The following IQCJ variants were observed in gnomAD, a reference collection of about 807,000 sequenced individuals.
IQCJ encodes IQ motif containing J.
IQCJ carries 9 observed loss-of-function variants against 11.0 expected under a neutral mutation model. That is an observed-to-expected ratio of 0.82 (90% CI 0.49 to 1.43). The LOEUF is 1.43. Among genes scored for constraint, IQCJ ranks in the 40% most tolerant of loss-of-function variants. IQCJ has a pLI of 0.00. For missense variants in IQCJ, 146 were observed against 133.2 expected (o/e 1.10, Z -0.47); for synonymous variants, 55 against 51.3 (o/e 1.07, Z -0.31).
intron 1 of IQCJ, among the ~76,000 whole-genome samples, chr3:159,090,505 G>T (rs1717191539): frequency 6.6e-6 from 1 of 151,838 alleles, no homozygotes; most frequent in Non-Finnish European, 1.5e-5. Context: ...CGTAGAGTTG[G>T]TGGGTGGGGC....
chr3:159,246,482 A>G (rs765898544), intron 2 of IQCJ, among the ~76,000 whole-genome samples: 6 of 152,168 alleles, frequency 3.9e-5, no homozygotes, highest in Non-Finnish European at 7.3e-5. Flanking sequence ...GCGAGGTTTC[A>G]GCAACTCCAT....
At chr3:159,225,764 C>A (rs752030896) in intron 1 of IQCJ, among the ~76,000 whole-genome samples, 23 of 151,818 alleles carry the variant, frequency 1.5e-4, no homozygotes, top group Non-Finnish European at 3.4e-4. Context: ...ATGCTGTGTA[C>A]CTAGTGTTAG....
chr3:159,250,676 A>G (rs1727543860), intron 2 of IQCJ, among the ~76,000 whole-genome samples: 1 of 152,162 alleles, frequency 6.6e-6, no homozygotes, highest in Admixed American at 6.5e-5. Flanking sequence ...AGAACTCACT[A>G]TCATGAGAAC....
intron 1 of IQCJ, among the ~76,000 whole-genome samples, chr3:159,137,438 G>A (rs777592187): frequency 9.2e-5 from 14 of 152,050 alleles, no homozygotes; most frequent in Non-Finnish European, 2.1e-4. Context: ...TATACTTCAT[G>A]TTTCAGTTTC....
At chr3:159,131,916 G>C (rs1467232251) in intron 1 of IQCJ, among the ~76,000 whole-genome samples, 1 of 151,332 alleles carries the variant, frequency 6.6e-6, no homozygotes, top group Non-Finnish European at 1.5e-5. Flanking sequence ...ATTCCTTATG[G>C]CTTACATCAA....
chr3:159,200,879 C>T (rs1185488058), intron 1 of IQCJ, among the ~76,000 whole-genome samples: 1 of 152,012 alleles, frequency 6.6e-6, no homozygotes, highest in African/African-American at 2.4e-5. Context: ...GGCGGGGTCC[C>T]ACCTGTGGCT....
chr3:159,120,459 A>G (rs1322590140), intron 1 of IQCJ, among the ~76,000 whole-genome samples: 1 of 152,208 alleles, frequency 6.6e-6, no homozygotes, highest in Non-Finnish European at 1.5e-5. Context: ...GGTTTTATGC[A>G]TCAAACCTGA....
intron 1 of IQCJ, among the ~76,000 whole-genome samples, chr3:159,217,510 G>A (rs2108108621): frequency 6.6e-6 from 1 of 152,118 alleles, no homozygotes; most frequent in Middle Eastern, 3.4e-3. Context: ...TTTATTATTT[G>A]GGAATAATAA....
chr3:159,162,850 A>G (rs1033514137), intron 1 of IQCJ, among the ~76,000 whole-genome samples: 5 of 152,216 alleles, frequency 3.3e-5, no homozygotes, highest in Admixed American at 3.3e-4. Flanking sequence ...CTTGACAAAT[A>G]CACCCTCCCA....
intron 1 of IQCJ, among the ~76,000 whole-genome samples, chr3:159,155,712 C>T (rs1261106776): frequency 6.6e-6 from 1 of 152,068 alleles, no homozygotes; most frequent in African/African-American, 2.4e-5. Context: ...ATGCCAATTT[C>T]AATTAGCCTT....
intron 1 of IQCJ, among the ~76,000 whole-genome samples, chr3:159,074,610 C>A (rs1201381790): frequency 2.0e-5 from 3 of 152,062 alleles, no homozygotes; most frequent in Non-Finnish European, 2.9e-5. Context: ...GCCTGATTTT[C>A]AATTTACTGT....
chr3:159,107,611 T>C (rs990249506), intron 1 of IQCJ, among the ~76,000 whole-genome samples: 52 of 152,152 alleles, frequency 3.4e-4, no homozygotes, highest in Admixed American at 3.3e-4. Flanking sequence ...GATAATACTA[T>C]TAATAATAAT....
chr3:159,142,894 T>C (rs1720710326), intron 1 of IQCJ, among the ~76,000 whole-genome samples: 1 of 152,208 alleles, frequency 6.6e-6, no homozygotes, highest in East Asian at 1.9e-4. Context: ...GGTGCTATAA[T>C]TGATATATAT....
Position 159,241,827 on chromosome 3 carries a change from T to C in IQCJ, c.10-4016T>C, listed in dbSNP as rs114808603. Among the ~76,000 whole-genome samples, 337 of 152,236 alleles carry C rather than the reference T, an allele frequency of 2.2e-3. 1 individual carries two copies. The highest frequency in any genetic ancestry group is 7.9e-3 in the African/African-American group (327 of 41,530). ...TACTTCCATGGTGCCTACAATGTAG[T>C]GAGTGGAGACAATCAAACACAAATA... On this transcript the variant is annotated intron_variant, in intron 1 of 3. Coordinates refer to ENST00000397832, the MANE Select transcript of IQCJ (RefSeq NM_001042706.3).
At chr3:159,204,016 G>C (rs1467438473) in intron 1 of IQCJ, among the ~76,000 whole-genome samples, 2 of 152,148 alleles carry the variant, frequency 1.3e-5, no homozygotes, top group Non-Finnish European at 2.9e-5. Flanking sequence ...CTGTGTATGA[G>C]AGAGAACCAG....
At chr3:159,078,901 T>C (rs1716122167) in intron 1 of IQCJ, among the ~76,000 whole-genome samples, 2 of 152,168 alleles carry the variant, frequency 1.3e-5, no homozygotes, top group Non-Finnish European at 2.9e-5. Context: ...AAATAATGTG[T>C]GAAAAGTGCT....
At chr3:159,083,380 T>C (rs1379856821) in intron 1 of IQCJ, among the ~76,000 whole-genome samples, 1 of 152,110 alleles carries the variant, frequency 6.6e-6, no homozygotes, top group African/African-American at 2.4e-5. Flanking sequence ...TCATTAGCCA[T>C]TGGTGAAGTG....
At chr3:159,150,876 C>T (rs1721175448) in intron 1 of IQCJ, among the ~76,000 whole-genome samples, 1 of 152,180 alleles carries the variant, frequency 6.6e-6, no homozygotes, top group Admixed American at 6.5e-5. Flanking sequence ...TTCAGAGCGT[C>T]ATATCCATGT....
chr3:159,196,975 A>G (rs1202627705), intron 1 of IQCJ, among the ~76,000 whole-genome samples: 3 of 145,498 alleles, frequency 2.1e-5, no homozygotes, highest in African/African-American at 5.1e-5. Flanking sequence ...TGTCCCACCC[A>G]CCCCCCAAAG....
Sources: allele counts gnomAD v4.1 joint callset (sites outside exome capture counted in the v4.1 genomes callset), GRCh38; gene constraint gnomAD v4.1.1; transcripts MANE v1.5; gene names NCBI Gene and HGNC (gene_info 2026-07-23, HGNC 2026-07-21).